Variants in PEPD observed in about 807,000 individuals in gnomAD.
PEPD encodes the protein xaa-Pro dipeptidase.
A neutral mutation model predicts 60.7 loss-of-function variants in PEPD; 53 were observed. That is an observed-to-expected ratio of 0.87 (90% confidence interval 0.70 to 1.10). The LOEUF (loss-of-function observed/expected upper bound fraction) is 1.10, where lower values mean the gene tolerates loss of function less well. PEPD is among the 50% of genes least tolerant of loss of function. The pLI is 0.00. For synonymous variants in PEPD, 267 were observed against 284.1 expected (o/e 0.94, Z 0.60); for missense variants, 711 against 711.9 (o/e 1.00, Z 0.01).
chr19:33,433,234 A>C (rs1969309352), intron 9 of PEPD, among the ~76,000 whole-genome samples: 1 of 152,198 alleles, frequency 6.6e-6, no homozygotes, highest in African/African-American at 2.4e-5. Flanking sequence ...AGGTTTCTTT[A>C]TAAAATGTCT....
At chr19:33,405,921 C>T (rs1968610968) in intron 11 of PEPD, among the ~76,000 whole-genome samples, 2 of 152,240 alleles carry the variant, frequency 1.3e-5, no homozygotes, top group Non-Finnish European at 2.9e-5. Context: ...CTGGTGCACG[C>T]GGTGGGTGAC....
chr19:33,436,381 A>G (rs1969376934), intron 9 of PEPD, among the ~76,000 whole-genome samples: 1 of 152,152 alleles, frequency 6.6e-6, no homozygotes, highest in African/African-American at 2.4e-5. Context: ...AGCCGTCCTC[A>G]GCATCTCCCA....
At chr19:33,452,867 C>T (rs1969722304) in intron 9 of PEPD, among the ~76,000 whole-genome samples, 1 of 152,156 alleles carries the variant, frequency 6.6e-6, no homozygotes, top group Admixed American at 6.5e-5. Flanking sequence ...ACAGCCAAGC[C>T]CTATGCTTTC....
At position 33,442,640 on chromosome 19, in the gene PEPD, C is replaced by T. The variant is rs183277844; in HGVS notation, c.671+20355G>A. Among the ~76,000 whole-genome samples the T allele has an allele frequency of 3.7e-3, 559 of 151,912 alleles. 4 individuals carry two copies. Among genetic ancestry groups the T allele is most frequent in the African/African-American group, 0.013 (535 of 41,448 alleles). ...AGGAGAATAGCTTGAACCTGGGATG[C>T]AGAGGTTGCAGTGAGCCGAGATTGT... On this transcript the variant is annotated intron_variant, in intron 9 of 14. Transcript: ENST00000244137.
chr19:33,469,534 C>T lies in PEPD; in HGVS notation c.549-5472G>A, dbSNP rs532419082. ...GCAGATGGGTCCACTCTCACCTCTC[C>T]TCCTCCAAACTCCCAGGACTCCCCA... On this transcript the variant is annotated intron_variant, in intron 7 of 14. Transcript: ENST00000244137. Among the ~76,000 whole-genome samples, 9 of 152,218 alleles carry T rather than the reference C, an allele frequency of 5.9e-5. No individual in the cohort carries two copies. The South Asian group carries it at 1.9e-3, about 32-fold the overall frequency.
chr19:33,427,347 C>T (rs1366751892), intron 9 of PEPD, among the ~76,000 whole-genome samples: 5 of 152,220 alleles, frequency 3.3e-5, no homozygotes, highest in East Asian at 1.9e-4. Flanking sequence ...AGCACCCTCT[C>T]GTGCCACAGA....
At chr19:33,516,588 C>A (rs1213893437) in intron 1 of PEPD, among the ~76,000 whole-genome samples, 1 of 152,078 alleles carries the variant, frequency 6.6e-6, no homozygotes, top group African/African-American at 2.4e-5. Context: ...TGTCTCCACA[C>A]AACCCACACC....
chr19:33,484,537 A>G (rs951537695), intron 6 of PEPD, among the ~76,000 whole-genome samples: 1 of 152,194 alleles, frequency 6.6e-6, no homozygotes, highest in Non-Finnish European at 1.5e-5. Flanking sequence ...TCGGACACAC[A>G]TAGATAGACC....
chr19:33,447,230 G>C (rs1969610263), intron 9 of PEPD, among the ~76,000 whole-genome samples: 1 of 152,218 alleles, frequency 6.6e-6, no homozygotes, highest in Non-Finnish European at 1.5e-5. Context: ...CAAGGCTTGT[G>C]GCACACTCAT....
At chr19:33,421,067 G>T (rs953698564) in intron 9 of PEPD, among the ~76,000 whole-genome samples, 5 of 152,250 alleles carry the variant, frequency 3.3e-5, no homozygotes, top group African/African-American at 1.2e-4. Context: ...TCTACTGCGG[G>T]GGTGGGCCCC....
rs1481208582 is a variant in PEPD, at chr19:33,391,493, G to A, written c.968-14C>T. Reference sequence around the variant, plus strand: ...GCCACCAGACACCTGTGGGCCAGAGGGAGCTGCCGTGAGCCACAGAGCCCA... The same window carrying A: ...GCCACCAGACACCTGTGGGCCAGAGAGAGCTGCCGTGAGCCACAGAGCCCA... On this transcript the variant is annotated splice_polypyrimidine_tract_variant and intron_variant, in intron 12 of 14. Transcript: ENST00000244137. The A allele has an allele frequency of 6.5e-7, 1 of 1,548,174 alleles. No individual in the cohort carries two copies.
intron 9 of PEPD, among the ~76,000 whole-genome samples, chr19:33,444,150 G>GCA (rs1320795282): frequency 6.6e-6 from 1 of 152,132 alleles, no homozygotes; most frequent in Admixed American, 6.5e-5. Flanking sequence ...ACACGCACAT[G>GCA]CACACACACA....
intron 6 of PEPD, among the ~76,000 whole-genome samples, chr19:33,478,584 C>T (rs1970263556): frequency 6.6e-6 from 1 of 152,046 alleles, no homozygotes; most frequent in South Asian, 2.1e-4. Context: ...ATTAATAATT[C>T]ATCACTTACA....
intron 6 of PEPD, among the ~76,000 whole-genome samples, chr19:33,484,923 G>A (rs965051452): frequency 9.2e-5 from 14 of 152,170 alleles, no homozygotes; most frequent in African/African-American, 3.1e-4. Flanking sequence ...TCTACAATGA[G>A]CATGTATTAA....
chr19:33,468,430 C>A (rs1970059751), intron 7 of PEPD, among the ~76,000 whole-genome samples: 1 of 152,260 alleles, frequency 6.6e-6, no homozygotes, highest in Admixed American at 6.5e-5. Context: ...TCTCCTGCAT[C>A]TCCTCTTCCT....
At chr19:33,509,724 C>T (rs1362881808) in intron 3 of PEPD, among the ~76,000 whole-genome samples, 6 of 152,212 alleles carry the variant, frequency 3.9e-5, no homozygotes, top group Non-Finnish European at 8.8e-5. Flanking sequence ...ACTCTCCAGG[C>T]GGAGATGACA....
At chr19:33,511,851 C>T (rs1365911803) in intron 2 of PEPD, among the ~76,000 whole-genome samples, 2 of 152,194 alleles carry the variant, frequency 1.3e-5, no homozygotes, top group African/African-American at 4.8e-5. Flanking sequence ...GCTGCGCGAA[C>T]AATGGAGTGG....
intron 4 of PEPD, among the ~76,000 whole-genome samples, chr19:33,499,685 T>C (rs1970672765): frequency 6.6e-6 from 1 of 152,126 alleles, no homozygotes; most frequent in Non-Finnish European, 1.5e-5. Context: ...CTACAGCAGA[T>C]ACAGTGGCTG....
At position 33,391,395 on chromosome 19, in the gene PEPD, AC is replaced by A; in HGVS notation, c.1051del (p.Val351TrpfsTer107). On this transcript the variant is annotated frameshift_variant, in exon 13 of 15. Coordinates refer to ENST00000244137, the MANE Select transcript of PEPD (RefSeq NM_000285.4). LOFTEE classifies it high-confidence loss of function. ...CAGGTGAGCCTGGACCATGGCGTCC[AC>A]GCTGCCGCTCAGGATGCCCATGTGG... ...LAHMGILSGS[V>X]DAMVQAHLGA... 2 of 1,592,622 alleles carry A rather than the reference AC, an allele frequency of 1.3e-6. No individual in the cohort carries two copies. Among genetic ancestry groups the A allele is most frequent in the Non-Finnish European group, 1.7e-6 (2 of 1,169,520 alleles).
Sources: allele counts gnomAD v4.1 joint callset (sites outside exome capture counted in the v4.1 genomes callset), GRCh38; gene constraint gnomAD v4.1.1; transcripts MANE v1.5; gene names NCBI Gene and HGNC (gene_info 2026-07-23, HGNC 2026-07-21).